COL3A1: variants seen among roughly 807,000 people sequenced by gnomAD.
COL3A1 encodes the protein collagen alpha-1(III) chain.
A neutral mutation model predicts 200.9 loss-of-function variants in COL3A1; 46 were observed. The ratio of observed to expected loss-of-function variants is 0.23; its 90% confidence interval spans 0.18 to 0.29. COL3A1 has a LOEUF of 0.29. COL3A1 is among the 10% of genes least tolerant of loss of function. The pLI, the probability that COL3A1 is intolerant of heterozygous loss-of-function variation, is 1.00. For synonymous variants in COL3A1, 650 were observed against 628.0 expected (o/e 1.03, Z -0.52); for missense variants, 1,367 against 1,917.6 (o/e 0.71, Z 5.36).
At chr2:189,005,304 G>A in intron 40 of COL3A1, 46 bp from the exon 41 acceptor site, 1 of 1,492,426 alleles carries the variant, frequency 6.7e-7, no homozygotes, top group South Asian at 1.1e-5. Flanking sequence ...CATTTTAATT[G>A]ATTTCTTAAG....
chr2:188,988,593 T>C lies in COL3A1; in HGVS notation c.586T>C (p.Ser196Pro), dbSNP rs751350498. 1.0e-5 allele frequency: 16 copies of C among 1,600,294 alleles called. No individual in the cohort carries two copies. Among genetic ancestry groups the C allele is most frequent in the Admixed American group, 1.7e-5 (1 of 59,730 alleles). The change falls in exon 7 of 51, where the codon TCT becomes CCT. Residue 196 changes from serine to proline, a missense_variant. Physicochemically the swap from Ser to Pro is moderately conservative, Grantham distance 74 (BLOSUM62 -1). Transcript: ENST00000304636. ...GTSGHPGSPG[S>P]PGYQGPPGEP... ...ATTTACATATTCTACTCACTAGGGA[T>C]CTCCAGGATACCAAGGACCCCCTGG...
chr2:188,999,968 A>G, intron 32 of COL3A1, 73 bp downstream of exon 32: 2 of 1,462,370 alleles, frequency 1.4e-6, no homozygotes, highest in Non-Finnish European at 1.9e-6. Flanking sequence ...TTCAACTTTA[A>G]TTTTTTCCAA....
intron 40 of COL3A1, among the ~76,000 whole-genome samples, chr2:189,004,874 A>C (rs1304476945): frequency 6.6e-6 from 1 of 152,212 alleles, no homozygotes; most frequent in Non-Finnish European, 1.5e-5. Flanking sequence ...GTATTATGGC[A>C]CTTTAAGTAC....
rs769039976 is a variant in COL3A1 at position 188,997,725 on chromosome 2, C to T, written c.1895C>T (p.Thr632Ile). The T allele has an allele frequency of 2.7e-5, 43 of 1,613,800 alleles. No individual in the cohort carries two copies. Among genetic ancestry groups the T allele is most frequent in the Admixed American group, 2.2e-4 (13 of 59,992 alleles). Residue 632 changes from threonine (T) to isoleucine (I), a missense_variant, in exon 27 of 51, where the codon ACA (threonine) becomes ATA (isoleucine). By Grantham distance (89) the Thr-to-Ile change is moderately conservative (BLOSUM62 -1). Around this residue, in one of 5 missense-constraint regions of COL3A1, gnomAD observed 846 missense variants for 1,147.9 expected, o/e 0.74. Coordinates refer to ENST00000304636, the MANE Select transcript of COL3A1 (RefSeq NM_000090.4). ...PTGPGGDKGD[T>I]GPPGPQGLQG... ...GGGCCTGGTGGTGACAAAGGAGACA[C>T]AGGACCCCCTGGTCCACAAGGATTA...
At chr2:189,003,839 A>G (rs2153503477) in intron 38 of COL3A1, 52 bp downstream of exon 38, 1 of 1,595,318 alleles carries the variant, frequency 6.3e-7, no homozygotes, top group East Asian at 2.2e-5. Flanking sequence ...AAGAGCATTC[A>G]TGTATGTATA....
At position 189,010,666 on chromosome 2, in the gene COL3A1, G is replaced by T; in HGVS notation, c.4030G>T (p.Glu1344Ter). The T allele has an allele frequency of 6.2e-7, 1 of 1,614,126 alleles. No individual in the cohort carries two copies. Among genetic ancestry groups the T allele is most frequent in the Non-Finnish European group, 8.5e-7 (1 of 1,179,994 alleles). The change falls in exon 50 of 51, where the codon GAA (glutamate) becomes TAA (stop). Residue 1344 changes from glutamate (E) to a stop codon, truncating the protein, a stop_gained. Coordinates refer to ENST00000304636, the MANE Select transcript of COL3A1 (RefSeq NM_000090.4). LOFTEE classifies it high-confidence loss of function. ...GGFQFSYGNP[E>*]LPEDVLDVHL... The stretch of plus-strand genomic sequence containing the variant: ...ATTACAGTTTAGCTACGGCAATCCT[G>T]AACTTCCTGAAGATGTCCTTGATGT...
At chr2:188,990,386 C>T (rs764341081) in intron 10 of COL3A1, 26 bp downstream of exon 10, 2 of 1,595,656 alleles carry the variant, frequency 1.3e-6, no homozygotes, top group East Asian at 2.2e-5. Context: ...AAGTTGTTTA[C>T]AAGGTATTCC....
intron 15 of COL3A1, 89 bp from the exon 16 acceptor site, chr2:188,993,272 G>A (rs1688227013): frequency 1.8e-6 from 2 of 1,106,144 alleles, no homozygotes; most frequent in Non-Finnish European, 2.7e-6. Context: ...CCAACTTTTG[G>A]GAGATGTGTT....
intron 37 of COL3A1, 24 bp downstream of exon 37, chr2:189,003,488 T>C (rs945299361): frequency 6.2e-7 from 1 of 1,607,264 alleles, no homozygotes; most frequent in Non-Finnish European, 8.5e-7. Context: ...CTCTTAACTA[T>C]TATTGAAAAG....
intron 1 of COL3A1, among the ~76,000 whole-genome samples, chr2:188,976,153 C>T: frequency 6.6e-6 from 1 of 151,978 alleles, no homozygotes; most frequent in Admixed American, 6.6e-5. Context: ...TACTATCCCC[C>T]ACCAACCATT....
Position 188,996,159 on chromosome 2 carries a change from A to T in COL3A1, c.1643A>T (p.Asp548Val). 6.2e-7 allele frequency: 1 copy of T among 1,613,762 alleles called. No homozygotes were observed. Among genetic ancestry groups the T allele is most frequent in the Non-Finnish European group, 8.5e-7 (1 of 1,179,906 alleles). The stretch of plus-strand genomic sequence containing the variant: ...GGAAGTCCAGGAGGACCAGGAAGTG[A>T]TGGGAAACCAGGGCCTCCCGTATGT... ...MPGSPGGPGS[D>V]GKPGPPGSQG... The change falls in exon 23 of 51, where the codon GAT (aspartate) becomes GTT (valine). Residue 548 changes from aspartate to valine, a missense_variant. Coordinates refer to ENST00000304636, the MANE Select transcript of COL3A1 (RefSeq NM_000090.4).
chr2:189,000,445 T>A (rs1282911183), intron 32 of COL3A1, among the ~76,000 whole-genome samples: 1 of 152,130 alleles, frequency 6.6e-6, no homozygotes, highest in Non-Finnish European at 1.5e-5. Context: ...TAGAACAGAT[T>A]AGTGGTTGCT....
intron 29 of COL3A1, 49 bp downstream of exon 29, chr2:188,998,767 T>C: frequency 6.5e-7 from 1 of 1,544,684 alleles, no homozygotes; most frequent in East Asian, 2.3e-5. Context: ...TATAGAGCAA[T>C]TGATTAGTAG....
Position 189,011,702 on chromosome 2 carries a change from T to C in COL3A1, c.4329T>C (p.Asp1443=). 6.2e-7 allele frequency: 1 copy of C among 1,614,046 alleles called. No individual in the cohort carries two copies. ...TRKAVRLPIV[D]IAPYDIGGPD... is the part of the protein sequence containing the mutation. ...AGGCTGTGAGACTACCTATTGTAGA[T>C]ATTGCACCCTATGACATTGGTGGTC... The change falls in exon 51 of 51, where the codon GAT becomes GAC. Residue 1443 remains aspartate (D), a synonymous_variant. Coordinates refer to ENST00000304636, the MANE Select transcript of COL3A1 (RefSeq NM_000090.4).
At chr2:188,993,700 A>T (rs1688236057) in intron 16 of COL3A1, among the ~76,000 whole-genome samples, 1 of 152,158 alleles carries the variant, frequency 6.6e-6, no homozygotes, top group South Asian at 2.1e-4. Flanking sequence ...TTTTATGTTT[A>T]TATAAAAGAA....
chr2:189,009,819 C>A (rs189304624), intron 48 of COL3A1, among the ~76,000 whole-genome samples: 1 of 152,058 alleles, frequency 6.6e-6, no homozygotes, highest in Non-Finnish European at 1.5e-5. Context: ...AGCTTTAGAA[C>A]TATTGGAACA....
At position 189,004,086 on chromosome 2, in the gene COL3A1, A is replaced by G. The variant is rs915948354; in HGVS notation, c.2766A>G (p.Pro922=). Reference sequence around the variant, plus strand: ...CTGGCAGCCCTGGAGTGTCTGGACCAAAAGGTGATGCTGGCCAACCAGGAG... The same window carrying G: ...CTGGCAGCCCTGGAGTGTCTGGACCGAAAGGTGATGCTGGCCAACCAGGAG... ...GAPGSPGVSG[P]KGDAGQPGEK... The change falls in exon 39 of 51, where the codon CCA becomes CCG. Residue 922 remains proline (P), a synonymous_variant. Transcript: ENST00000304636. 3.7e-6 allele frequency: 6 copies of G among 1,613,702 alleles called. No homozygotes were observed. Among genetic ancestry groups the G allele is most frequent in the South Asian group, 2.2e-5 (2 of 91,052 alleles).
Position 189,005,477 on chromosome 2 carries a change from C to A in COL3A1, c.3039+20C>A, listed in dbSNP as rs1335607578. 1.3e-6 allele frequency: 2 copies of A among 1,583,848 alleles called. No homozygotes were observed. The highest frequency in any genetic ancestry group is 2.2e-5 in the South Asian group (2 of 90,412). The stretch of plus-strand genomic sequence containing the variant: ...AGAGATGTGAGTAGCAGTTTTTATT[C>A]AACCAGCCAGGTAGAATTTGATAAT... On this transcript the variant is annotated intron_variant, in intron 41 of 50. Coordinates refer to ENST00000304636, the MANE Select transcript of COL3A1 (RefSeq NM_000090.4).
At chr2:188,977,682 G>T (rs190108126) in intron 1 of COL3A1, among the ~76,000 whole-genome samples, 2 of 152,052 alleles carry the variant, frequency 1.3e-5, no homozygotes, top group African/African-American at 4.8e-5. Flanking sequence ...CCAATATTCT[G>T]TTCAGTCTTA....
Sources: allele counts gnomAD v4.1 joint callset (sites outside exome capture counted in the v4.1 genomes callset), GRCh38; gene constraint gnomAD v4.1.1; regional missense constraint gnomAD v4.1.1; transcripts MANE v1.5; gene names NCBI Gene and HGNC (gene_info 2026-07-23, HGNC 2026-07-21).